Variants in PRICKLE2 observed in about 807,000 individuals in gnomAD.
The protein encoded by PRICKLE2 is prickle-like protein 2.
PRICKLE2 carries 21 observed loss-of-function variants against 81.4 expected under a neutral mutation model. That is an observed-to-expected ratio of 0.26 (90% CI 0.18 to 0.37). The LOEUF is 0.37. Among genes scored for constraint, PRICKLE2 ranks in the 10% least tolerant of loss-of-function variants. PRICKLE2 has a pLI of 1.00. For synonymous variants in PRICKLE2, 456 were observed against 421.5 expected, an observed-to-expected ratio of 1.08 and a Z score of -1.00; for missense variants, 940 against 1,109.0, an observed-to-expected ratio of 0.85 and a Z score of 2.16.
chr3:64,135,757 T>C (rs2077269465), intron 7 of PRICKLE2, among the ~76,000 whole-genome samples: 1 of 152,078 alleles, frequency 6.6e-6, no homozygotes, highest in Non-Finnish European at 1.5e-5. Flanking sequence ...CACAGAGCTA[T>C]CTGGGTGCTC....
intron 2 of PRICKLE2, among the ~76,000 whole-genome samples, chr3:64,192,526 G>T (rs1025262656): frequency 6.6e-6 from 1 of 152,170 alleles, no homozygotes; most frequent in East Asian, 1.9e-4. Context: ...TCTGACACCT[G>T]ATGGATGAGT....
rs2076605212 is a variant in PRICKLE2 at position 64,098,754 on chromosome 3, T to C, written c.*297A>G. 2.4e-6 allele frequency: 1 copy of C among 416,964 alleles called. No individual in the cohort carries two copies. The highest frequency in any genetic ancestry group is 4.4e-6 in the Non-Finnish European group (1 of 226,302). The allele number at this position is 416,964 out of a possible 1,614,324, so 25.8% of individuals were successfully genotyped here. A position where few individuals can be genotyped will look rare whatever the true frequency, so the allele number is the denominator to read the frequency against. ...GAGGATAAAAGCGAGCAGGAAACAA[T>C]TTACCATCTTGAGAGATGGCAACTC... On this transcript the variant is annotated 3_prime_UTR_variant, in exon 8 of 8. Transcript: ENST00000638394.
chr3:64,108,498 C>T (rs531980966), intron 7 of PRICKLE2, among the ~76,000 whole-genome samples: 5 of 152,042 alleles, frequency 3.3e-5, no homozygotes, highest in African/African-American at 9.7e-5. Flanking sequence ...CATGGAATGG[C>T]TCAAACAGAG....
chr3:64,151,921 C>T (rs537346457), intron 6 of PRICKLE2, among the ~76,000 whole-genome samples: 130 of 152,136 alleles, frequency 8.5e-4, no homozygotes, highest in African/African-American at 3.0e-3. Context: ...ATCACCTAAG[C>T]CCCCAGAAGG....
chr3:64,266,573 C>T (rs1413070155), intron 2 of PRICKLE2, among the ~76,000 whole-genome samples: 2 of 152,264 alleles, frequency 1.3e-5, no homozygotes, highest in East Asian at 1.9e-4. Flanking sequence ...TCTTCACTGC[C>T]CAGCTCACTT....
intron 7 of PRICKLE2, among the ~76,000 whole-genome samples, chr3:64,136,213 A>G (rs763714564): frequency 6.6e-6 from 1 of 152,050 alleles, no homozygotes; most frequent in Non-Finnish European, 1.5e-5. Flanking sequence ...GGCTAGACTC[A>G]GGGCTAAGAG....
intron 1 of PRICKLE2, among the ~76,000 whole-genome samples, chr3:64,208,055 A>T (rs1420371479): frequency 1.3e-5 from 2 of 152,160 alleles, no homozygotes; most frequent in Non-Finnish European, 2.9e-5. Flanking sequence ...TGAACCAAAC[A>T]TTCTTCTCAA....
chr3:64,160,983 C>A (rs911885639), intron 3 of PRICKLE2, among the ~76,000 whole-genome samples: 15 of 151,070 alleles, frequency 9.9e-5, no homozygotes, highest in East Asian at 1.9e-4. Context: ...AACAAACAAA[C>A]AAAAAAACCA....
At chr3:64,153,455 G>C in intron 5 of PRICKLE2, 87 bp from the exon 6 acceptor site, 1 of 1,282,626 alleles carries the variant, frequency 7.8e-7, no homozygotes, top group Non-Finnish European at 1.1e-6. Context: ...CCTTGAACTA[G>C]AAGGGTAAGA....
intron 1 of PRICKLE2, among the ~76,000 whole-genome samples, chr3:64,204,891 G>C (rs2078654121): frequency 6.6e-6 from 1 of 152,124 alleles, no homozygotes; most frequent in Non-Finnish European, 1.5e-5. Flanking sequence ...GGTCAGAAGT[G>C]ATGCTAAGAG....
At chr3:64,266,866 G>A (rs760951226) in intron 2 of PRICKLE2, among the ~76,000 whole-genome samples, 15 of 151,844 alleles carry the variant, frequency 9.9e-5, no homozygotes, top group African/African-American at 3.6e-4. Context: ...TAATATGGGC[G>A]GAAATGGAAT....
chr3:64,155,646 A>G (rs868688468), intron 5 of PRICKLE2, among the ~76,000 whole-genome samples: 3 of 152,242 alleles, frequency 2.0e-5, no homozygotes, highest in Admixed American at 6.5e-5. Context: ...CAATTGATAC[A>G]TGGCTAGACA....
intron 2 of PRICKLE2, among the ~76,000 whole-genome samples, chr3:64,191,284 C>T (rs1216901477): frequency 6.6e-6 from 1 of 152,204 alleles, no homozygotes; most frequent in Admixed American, 6.5e-5. Context: ...TGAGCTGACT[C>T]AGGGCAATAG....
At chr3:64,111,955 C>T (rs1282761862) in intron 7 of PRICKLE2, among the ~76,000 whole-genome samples, 5 of 152,132 alleles carry the variant, frequency 3.3e-5, no homozygotes, top group Non-Finnish European at 7.3e-5. Flanking sequence ...AGAATGCACT[C>T]ATGACAATGT....
rs1311300343 is a variant in PRICKLE2 at position 64,096,930 on chromosome 3, A to C, written c.*2121T>G. The C allele has an allele frequency of 6.6e-6, 1 of 152,604 alleles. No homozygotes were observed. The highest frequency in any genetic ancestry group is 2.4e-5 in the African/African-American group (1 of 41,434). 9.5% of individuals were successfully genotyped at this position (152,604 alleles called of 1,614,324 possible). On this transcript the variant is annotated 3_prime_UTR_variant, in exon 8 of 8. Coordinates refer to ENST00000638394, the MANE Select transcript of PRICKLE2 (RefSeq NM_198859.4). The stretch of plus-strand genomic sequence containing the variant: ...CCAAAATTGCCTTTTTAGTTTCATC[A>C]ATCAAGGAACTTAAAACTCCAAATT...
Position 64,258,845 on chromosome 3 carries a change from A to AAGAAAGAAAGAAAG in PRICKLE2, c.129-59879_129-59878insCTTTCTTTCTTTCT, listed in dbSNP as rs2079569796. ...TCTCAAAAAAAAAAAAAAAAAAAAA[A>AAGAAAGAAAGAAAG]AAAGAAAGAAAGAAAGAAAGAAAGA... On this transcript the variant is annotated intron_variant, in intron 2 of 8. Transcript: ENST00000295902. Among the ~76,000 whole-genome samples the AAGAAAGAAAGAAAG allele has an allele frequency of 9.7e-4, 33 of 34,004 alleles. 1 individual carries two copies. Among genetic ancestry groups the AAGAAAGAAAGAAAG allele is most frequent in the African/African-American group, 1.0e-3 (8 of 7,746 alleles). The allele number at this position is 34,004 out of a possible 152,430, so 22.3% of individuals were successfully genotyped here. A position where few individuals can be genotyped will look rare whatever the true frequency, so the allele number is the denominator to read the frequency against.
At chr3:64,222,091 C>G (rs1194713903) in intron 1 of PRICKLE2, among the ~76,000 whole-genome samples, 1 of 152,166 alleles carries the variant, frequency 6.6e-6, no homozygotes, top group Non-Finnish European at 1.5e-5. Flanking sequence ...TGCTCAACAT[C>G]CAGTCAGTAC....
At chr3:64,174,706 G>A (rs192050138) in intron 2 of PRICKLE2, 21 of 204,418 alleles carry the variant, frequency 1.0e-4, no homozygotes, top group African/African-American at 4.2e-4. Flanking sequence ...TTTGTGTGTC[G>A]ACAACAATTT....
chr3:64,099,326 C>A lies in PRICKLE2; in HGVS notation c.2260G>T (p.Asp754Tyr). ...CCAAAGGCATTCTGCAAAGCCAGGTCCGACACAGTCCTAGGGCACTGGCCG... is the reference window on the plus strand; with the variant it reads ...CCAAAGGCATTCTGCAAAGCCAGGTACGACACAGTCCTAGGGCACTGGCCG... Reference protein sequence around the residue: ...LYGQCPRTVSDLALQNAFGDR... With the variant: ...LYGQCPRTVSYLALQNAFGDR... Residue 754 changes from aspartate (D) to tyrosine (Y), a missense_variant, in exon 8 of 8, where the codon GAC becomes TAC. This residue lies in a region of PRICKLE2 where 670 missense variants were observed against 717.2 expected (regional missense o/e 0.93). Transcript: ENST00000638394. This position sits in a 1 kb window ranked among gnomAD's most constrained non-coding sequence, Gnocchi z 4.3. The A allele has an allele frequency of 6.2e-7, 1 of 1,614,230 alleles. No homozygotes were observed. Among genetic ancestry groups the A allele is most frequent in the Non-Finnish European group, 8.5e-7 (1 of 1,180,038 alleles).
Sources: gnomAD v4.1 joint callset for allele counts (sites outside exome capture counted in the v4.1 genomes callset) on GRCh38, gnomAD v4.1.1 for gene constraint, gnomAD v4.1.1 regional missense constraint, Gnocchi (gnomAD v3.1) non-coding constraint, MANE v1.5 for transcripts, NCBI Gene and HGNC (gene_info 2026-07-23, HGNC 2026-07-21) for gene names.